The following BBOX1 variants were observed in gnomAD, a reference collection of about 807,000 sequenced individuals.
BBOX1 encodes the protein gamma-butyrobetaine hydroxylase 1, also known as gamma-butyrobetaine dioxygenase.
A neutral mutation model predicts 41.6 loss-of-function variants in BBOX1; 35 were observed. That is an observed-to-expected ratio of 0.84 (90% CI 0.64 to 1.11). The LOEUF (loss-of-function observed/expected upper bound fraction) is 1.11, where lower values mean the gene tolerates loss of function less well. BBOX1 is among the 50% of genes most tolerant of loss of function. BBOX1 has a pLI of 0.00. For synonymous variants in BBOX1, 163 were observed against 154.7 expected, an observed-to-expected ratio of 1.05 and a Z score of -0.40; for missense variants, 458 against 460.6, an observed-to-expected ratio of 0.99 and a Z score of 0.05.
chr11:27,125,926 C>A, intron 8 of BBOX1, 106 bp downstream of exon 8: 1 of 1,192,440 alleles, frequency 8.4e-7, no homozygotes, highest in Non-Finnish European at 1.2e-6. Context: ...GCATGTAGAA[C>A]ACCAACAACA....
chr11:27,111,801 G>A (rs536892377), intron 5 of BBOX1, among the ~76,000 whole-genome samples: 1 of 151,930 alleles, frequency 6.6e-6, no homozygotes, highest in Non-Finnish European at 1.5e-5. Context: ...TCTGTAAGCT[G>A]TTATACTGAG....
intron 4 of BBOX1, among the ~76,000 whole-genome samples, chr11:27,074,126 T>C (rs1395375342): frequency 2.0e-5 from 3 of 152,036 alleles, no homozygotes; most frequent in African/African-American, 7.2e-5. Flanking sequence ...GTGAAAAAGA[T>C]GCTTGCTTCC....
chr11:27,101,631 C>T (rs1858660491), intron 5 of BBOX1, among the ~76,000 whole-genome samples: 1 of 152,016 alleles, frequency 6.6e-6, no homozygotes, highest in South Asian at 2.1e-4. Context: ...TACCTGACTT[C>T]ATTTTTATTA....
chr11:27,117,336 G>A (rs997106360), intron 6 of BBOX1, among the ~76,000 whole-genome samples: 3 of 151,746 alleles, frequency 2.0e-5, no homozygotes, highest in Non-Finnish European at 2.9e-5. Flanking sequence ...TATTAGCTAC[G>A]CTAGTCTAGT....
chr11:27,054,273 T>C (rs1289402711), intron 2 of BBOX1, among the ~76,000 whole-genome samples: 2 of 151,178 alleles, frequency 1.3e-5, no homozygotes, highest in African/African-American at 4.8e-5. Context: ...TTCCCCTTCA[T>C]CTCAAGGCAA....
chr11:27,077,286 T>C (rs1260797557), intron 4 of BBOX1, among the ~76,000 whole-genome samples: 1 of 152,080 alleles, frequency 6.6e-6, no homozygotes, highest in Non-Finnish European at 1.5e-5. Flanking sequence ...CTCCTACTTT[T>C]ATATTCCCTA....
At chr11:27,048,736 T>C (rs1851569738) in intron 2 of BBOX1, among the ~76,000 whole-genome samples, 1 of 145,584 alleles carries the variant, frequency 6.9e-6, no homozygotes, top group African/African-American at 2.6e-5. Context: ...ATGATACTGC[T>C]GGAATGGTAG....
At chr11:27,085,694 T>C (rs1257461014) in intron 4 of BBOX1, among the ~76,000 whole-genome samples, 1 of 152,036 alleles carries the variant, frequency 6.6e-6, no homozygotes. Context: ...AAGAGTTGCA[T>C]GTCTCTCACT....
chr11:27,079,333 G>T (rs1038034070), intron 4 of BBOX1, among the ~76,000 whole-genome samples: 1 of 152,142 alleles, frequency 6.6e-6, no homozygotes, highest in African/African-American at 2.4e-5. Context: ...GTTTGGTGAA[G>T]CTGGAATGAC....
At chr11:27,101,926 T>G (rs1858676054) in intron 5 of BBOX1, among the ~76,000 whole-genome samples, 1 of 152,140 alleles carries the variant, frequency 6.6e-6, no homozygotes, top group South Asian at 2.1e-4. Flanking sequence ...CATGCTGTTC[T>G]TTAGGTCTCC....
At position 27,123,037 on chromosome 11, in the gene BBOX1, G is replaced by A. The variant is rs557614758; in HGVS notation, c.837-2617G>A. 5.9e-5 allele frequency among the ~76,000 whole-genome samples: 9 copies of A among 152,128 alleles called. No individual in the cohort carries two copies. The East Asian group carries it at 1.4e-3, about 23-fold the overall frequency. ...TTTTCATTTTAGGTTGGTCTTCAAG[G>A]TACCAGCTACCCATCTCCTCTAACA... is the stretch of plus-strand genomic sequence containing the variant. On this transcript the variant is annotated intron_variant, in intron 7 of 8. Coordinates refer to ENST00000263182, the MANE Select transcript of BBOX1 (RefSeq NM_003986.3).
chr11:27,115,304 C>A, intron 5 of BBOX1, 148 bp from the exon 6 acceptor site: 1 of 596,030 alleles, frequency 1.7e-6, no homozygotes, highest in South Asian at 2.3e-5. Context: ...AGAGAAAGGT[C>A]AGATTCCTTG....
At chr11:27,082,820 T>G (rs1157231387) in intron 4 of BBOX1, among the ~76,000 whole-genome samples, 1 of 152,232 alleles carries the variant, frequency 6.6e-6, no homozygotes, top group Non-Finnish European at 1.5e-5. Flanking sequence ...CTTTATTATT[T>G]TACGTGTAAT....
At chr11:27,120,366 T>C (rs948116049) in intron 7 of BBOX1, among the ~76,000 whole-genome samples, 1 of 152,120 alleles carries the variant, frequency 6.6e-6, no homozygotes, top group Non-Finnish European at 1.5e-5. Context: ...ACTCAATCCC[T>C]AATTTCTGTC....
At chr11:27,078,351 T>C (rs1900064) in intron 4 of BBOX1, among the ~76,000 whole-genome samples, 137,500 of 152,092 alleles carry the variant, frequency 0.9, 62,313 homozygotes, top group East Asian at 0.94. Flanking sequence ...ACTTTAAGTT[T>C]TGAGGTACAT....
intron 4 of BBOX1, among the ~76,000 whole-genome samples, chr11:27,062,503 A>C (rs977196173): frequency 2.6e-5 from 4 of 152,070 alleles, no homozygotes; most frequent in Non-Finnish European, 4.4e-5. Flanking sequence ...TTCTGATTTT[A>C]ATCAAATGAA....
intron 7 of BBOX1, 145 bp from the exon 8 acceptor site, chr11:27,125,509 C>T: frequency 1.6e-6 from 1 of 614,932 alleles, no homozygotes. Context: ...TACATTGCAC[C>T]ACAGGTAGCC....
chr11:27,055,296 T>C, intron 2 of BBOX1, 97 bp from the exon 3 acceptor site: 1 of 744,676 alleles, frequency 1.3e-6, no homozygotes. Flanking sequence ...GCTGAGTGAA[T>C]AGCAGAGGCC....
At chr11:27,058,367 A>G (rs1857046722) in intron 4 of BBOX1, among the ~76,000 whole-genome samples, 1 of 152,228 alleles carries the variant, frequency 6.6e-6, no homozygotes, top group Non-Finnish European at 1.5e-5. Context: ...GTATTTCCTT[A>G]TAATGATGCA....
Sources: gnomAD v4.1 joint callset for allele counts (sites outside exome capture counted in the v4.1 genomes callset) on GRCh38, gnomAD v4.1.1 for gene constraint, MANE v1.5 for transcripts, NCBI Gene and HGNC (gene_info 2026-07-23, HGNC 2026-07-21) for gene names.